The following SH2D4A variants were observed in gnomAD, a reference collection of about 807,000 sequenced individuals.
SH2D4A encodes the protein SH2 domain-containing protein 4A.
In SH2D4A, 70 loss-of-function variants were observed where a neutral mutation model predicts 64.7. The observed-to-expected ratio is 1.08, with a 90% CI of 0.89 to 1.32. The LOEUF (loss-of-function observed/expected upper bound fraction) is 1.32, where lower values mean the gene tolerates loss of function less well. SH2D4A is among the 40% of genes most tolerant of loss of function. The pLI is 0.00. For missense variants in SH2D4A, 706 were observed against 540.1 expected, an observed-to-expected ratio of 1.31 and a Z score of -3.04; for synonymous variants, 268 against 200.7, an observed-to-expected ratio of 1.34 and a Z score of -2.83.
intron 1 of SH2D4A, among the ~76,000 whole-genome samples, chr8:19,314,513 C>G (rs978151741): frequency 8.5e-5 from 13 of 152,116 alleles, no homozygotes; most frequent in African/African-American, 3.1e-4. Context: ...GCGCCCCTGC[C>G]CGCTCCTGGA....
rs1173515474 is a variant in SH2D4A, at chr8:19,395,108, T to G, written c.*466T>G. 2.0e-5 allele frequency: 3 copies of G among 152,274 alleles called. No homozygotes were observed. The highest frequency in any genetic ancestry group is 7.2e-5 in the African/African-American group (3 of 41,454). 9.4% of individuals were successfully genotyped at this position (152,274 alleles called of 1,614,324 possible). On this transcript the variant is annotated 3_prime_UTR_variant, in exon 10 of 10. Coordinates refer to ENST00000265807, the MANE Select transcript of SH2D4A (RefSeq NM_022071.4). ...AGCCTTTCCTGGCTGAGATGATGCT[T>G]AAAACACACCTCACTTATTGTACAT...
At chr8:19,375,416 T>TCCA (rs1320321214) in intron 8 of SH2D4A, 2 of 152,230 alleles carry the variant, frequency 1.3e-5, no homozygotes, top group East Asian at 3.8e-4. Flanking sequence ...CTTTGTCACA[T>TCCA]CCACCATGAG....
intron 4 of SH2D4A, among the ~76,000 whole-genome samples, chr8:19,349,117 A>C (rs575492790): frequency 6.6e-6 from 1 of 152,224 alleles, no homozygotes; most frequent in East Asian, 1.9e-4. Flanking sequence ...TCTAGTATAC[A>C]TGAAGGAAGC....
intron 4 of SH2D4A, among the ~76,000 whole-genome samples, chr8:19,348,869 C>T (rs1017539242): frequency 6.6e-6 from 1 of 152,066 alleles, no homozygotes; most frequent in Non-Finnish European, 1.5e-5. Context: ...GTAGATACCT[C>T]GTTCCTGGGG....
At chr8:19,364,327 G>A (rs1439852279) in intron 7 of SH2D4A, 45 bp downstream of exon 7, 1 of 1,600,476 alleles carries the variant, frequency 6.2e-7, no homozygotes, top group Admixed American at 1.7e-5. Flanking sequence ...ATTGCAATGG[G>A]CTTTGAATAA....
intron 4 of SH2D4A, among the ~76,000 whole-genome samples, chr8:19,345,555 A>T (rs1182176348): frequency 1.3e-5 from 2 of 152,196 alleles, no homozygotes; most frequent in Non-Finnish European, 2.9e-5. Flanking sequence ...TAAGGCACAG[A>T]TGATGTATTC....
At position 19,322,348 on chromosome 8, in the gene SH2D4A, C is replaced by A. The variant is rs551220456; in HGVS notation, c.181+2620C>A. Among the ~76,000 whole-genome samples the A allele has an allele frequency of 3.9e-5, 6 of 152,270 alleles. No individual in the cohort carries two copies. In the East Asian group the frequency reaches 1.2e-3, roughly 29 times the overall value. ...TTGTGCTCCCTGCCTCCCCTTCTCCCGCCTTTCTGGTTAGTACTGAGCTAA... is the reference window on the plus strand; with the variant it reads ...TTGTGCTCCCTGCCTCCCCTTCTCCAGCCTTTCTGGTTAGTACTGAGCTAA... On this transcript the variant is annotated intron_variant, in intron 2 of 9. Coordinates refer to ENST00000265807, the MANE Select transcript of SH2D4A (RefSeq NM_022071.4).
chr8:19,341,416 A>T (rs1295459524), intron 4 of SH2D4A, among the ~76,000 whole-genome samples: 3 of 152,254 alleles, frequency 2.0e-5, no homozygotes, highest in South Asian at 4.1e-4. Flanking sequence ...CATAATCCTT[A>T]TCTGAGTAAC....
At chr8:19,313,907 A>G (rs1276054672) in intron 1 of SH2D4A, 84 bp downstream of exon 1, 5 of 1,325,484 alleles carry the variant, frequency 3.8e-6, no homozygotes, top group Non-Finnish European at 3.8e-6. Context: ...CGGAGGTTGC[A>G]TGGGTGCATG....
At chr8:19,329,948 G>A (rs2052344306) in intron 2 of SH2D4A, among the ~76,000 whole-genome samples, 1 of 152,188 alleles carries the variant, frequency 6.6e-6, no homozygotes, top group Non-Finnish European at 1.5e-5. Flanking sequence ...CTAATACACT[G>A]TGTCTACCTC....
intron 2 of SH2D4A, among the ~76,000 whole-genome samples, chr8:19,330,328 C>T (rs1256126514): frequency 6.6e-6 from 1 of 152,296 alleles, no homozygotes; most frequent in South Asian, 2.1e-4. Flanking sequence ...CATTGAAGAG[C>T]TCTTAGAGGT....
intron 7 of SH2D4A, among the ~76,000 whole-genome samples, chr8:19,371,346 C>G (rs1263430597): frequency 1.3e-5 from 2 of 151,774 alleles, no homozygotes; most frequent in Non-Finnish European, 2.9e-5. Context: ...GTGCAGTATT[C>G]TGGGTTGCAT....
At chr8:19,343,089 A>T (rs1388254064) in intron 4 of SH2D4A, among the ~76,000 whole-genome samples, 1 of 152,052 alleles carries the variant, frequency 6.6e-6, no homozygotes, top group Non-Finnish European at 1.5e-5. Flanking sequence ...AGCTGTGCAA[A>T]TCTCATAAAC....
At chr8:19,315,287 C>T (rs1200972270) in intron 1 of SH2D4A, among the ~76,000 whole-genome samples, 1 of 152,146 alleles carries the variant, frequency 6.6e-6, no homozygotes, top group African/African-American at 2.4e-5. Context: ...AGGTGCGGGC[C>T]ACCACGCCTG....
intron 3 of SH2D4A, among the ~76,000 whole-genome samples, chr8:19,333,854 G>A (rs1425967991): frequency 6.6e-6 from 1 of 152,200 alleles, no homozygotes; most frequent in Non-Finnish European, 1.5e-5. Flanking sequence ...GAAAGTGCAG[G>A]CAGAGGGCTT....
intron 5 of SH2D4A, among the ~76,000 whole-genome samples, chr8:19,360,026 G>A (rs1044256562): frequency 2.0e-5 from 3 of 152,182 alleles, no homozygotes; most frequent in Non-Finnish European, 4.4e-5. Flanking sequence ...CAGTCGTCTT[G>A]TGAGCACTCA....
intron 8 of SH2D4A, among the ~76,000 whole-genome samples, chr8:19,378,785 T>A (rs2053238296): frequency 6.6e-6 from 1 of 151,728 alleles, no homozygotes; most frequent in Non-Finnish European, 1.5e-5. Context: ...GTGGCTCCCA[T>A]CTATAATCCC....
chr8:19,382,553 A>T lies in SH2D4A; in HGVS notation c.1048+8893A>T, dbSNP rs139244740. On this transcript the variant is annotated intron_variant, in intron 8 of 9. Coordinates refer to ENST00000265807, the MANE Select transcript of SH2D4A (RefSeq NM_022071.4). ...ATTTTGCCAAACTGTAGGGTAATGT[A>T]AATATTCTGACCATGTTTAAGGTAG... Among the ~76,000 whole-genome samples, 169 of 152,268 alleles carry T rather than the reference A, an allele frequency of 1.1e-3. 1 individual carries two copies. The South Asian group carries it at 0.024, about 22-fold the overall frequency.
chr8:19,358,436 T>C (rs955350050), intron 5 of SH2D4A, among the ~76,000 whole-genome samples: 1 of 152,100 alleles, frequency 6.6e-6, no homozygotes, highest in African/African-American at 2.4e-5. Flanking sequence ...TGAAGAATCC[T>C]GGGAGGATGG....
Sources: gnomAD v4.1 joint callset for allele counts (sites outside exome capture counted in the v4.1 genomes callset) on GRCh38, gnomAD v4.1.1 for gene constraint, MANE v1.5 for transcripts, NCBI Gene and HGNC (gene_info 2026-07-23, HGNC 2026-07-21) for gene names.